NUP93: variants seen among roughly 807,000 people sequenced by gnomAD.
The protein encoded by NUP93 is nucleoporin 93.
NUP93 carries 55 observed loss-of-function variants against 107.8 expected under a neutral mutation model. The ratio of observed to expected loss-of-function variants is 0.51; its 90% CI spans 0.41 to 0.64. NUP93 has a LOEUF of 0.64. NUP93 is among the 30% of genes least tolerant of loss of function. The pLI is 0.00. For missense variants in NUP93, 937 were observed against 1,044.7 expected (o/e 0.90, Z 1.42); for synonymous variants, 390 against 397.5 (o/e 0.98, Z 0.22).
At chr16:56,758,227 G>A (rs1220069190) in intron 2 of NUP93, among the ~76,000 whole-genome samples, 5 of 152,124 alleles carry the variant, frequency 3.3e-5, no homozygotes, top group Admixed American at 1.3e-4. Flanking sequence ...TGCACCTCAT[G>A]GGTTTCTTTA....
rs1185952532 is a variant in NUP93, at chr16:56,846,571, A to G, written c.*1962A>G. On this transcript the variant is annotated 3_prime_UTR_variant, in exon 22 of 22. Transcript: ENST00000308159. ...CTAAAAATACAAAAATCAGCTGGGC[A>G]TGGTGGCAGGCGCCTGTAATCCCAG... 2.6e-5 allele frequency: 4 copies of G among 152,128 alleles called. No individual in the cohort carries two copies. The highest frequency in any genetic ancestry group is 2.6e-4 in the Admixed American group (4 of 15,264). The allele number at this position is 152,128 out of a possible 1,614,324, so 9.4% of individuals were successfully genotyped here.
At position 56,805,621 on chromosome 16, in the gene NUP93, C is replaced by T; in HGVS notation, c.478C>T (p.Gln160Ter). The T allele has an allele frequency of 3.1e-6, 5 of 1,613,632 alleles. No individual in the cohort carries two copies. The highest frequency in any genetic ancestry group is 4.2e-6 in the Non-Finnish European group (5 of 1,179,614). The stretch of plus-strand genomic sequence containing the variant: ...AGGAGAAGACGCCCTTGACTTTACT[C>T]AAGAAAGCGAGGTAGCTTGAATGCA... ...ASGEDALDFT[Q>*]ESEPSYISDV... The change falls in exon 5 of 22, where the codon CAA becomes TAA. Residue 160 changes from glutamine (Q) to a stop codon, truncating the protein, a stop_gained. Transcript: ENST00000308159. LOFTEE classifies it high-confidence loss of function.
intron 3 of NUP93, among the ~76,000 whole-genome samples, chr16:56,797,682 G>A (rs1394006347): frequency 6.6e-6 from 1 of 152,202 alleles, no homozygotes; most frequent in African/African-American, 2.4e-5. Context: ...AGAGCTACAT[G>A]TATTGAGCCT....
At chr16:56,755,250 T>C (rs1442132083) in intron 2 of NUP93, among the ~76,000 whole-genome samples, 1 of 152,218 alleles carries the variant, frequency 6.6e-6, no homozygotes. Flanking sequence ...ACATAAAATG[T>C]GGTATGTCCA....
At chr16:56,761,369 T>G (rs1696106140) in intron 3 of NUP93, among the ~76,000 whole-genome samples, 1 of 152,248 alleles carries the variant, frequency 6.6e-6, no homozygotes, top group African/African-American at 2.4e-5. Flanking sequence ...TCCTCTTAAT[T>G]CTTCTCATAA....
intron 5 of NUP93, among the ~76,000 whole-genome samples, chr16:56,809,439 G>A (rs1963264093): frequency 6.6e-6 from 1 of 152,066 alleles, no homozygotes; most frequent in Non-Finnish European, 1.5e-5. Flanking sequence ...GAAATTTAGA[G>A]GTGAAGATTT....
At chr16:56,832,666 G>A (rs1340888597) in intron 12 of NUP93, among the ~76,000 whole-genome samples, 1 of 152,234 alleles carries the variant, frequency 6.6e-6, no homozygotes, top group Admixed American at 6.5e-5. Flanking sequence ...GAGAGAAAAA[G>A]AAGACTTAGC....
intron 3 of NUP93, among the ~76,000 whole-genome samples, chr16:56,776,058 ATTTTT>A (rs5817075): frequency 2.0e-5 from 3 of 147,410 alleles, no homozygotes; most frequent in Admixed American, 2.0e-4. Context: ...TTGGTGCCAG[ATTTTT>A]TTTTTTATTG....
Position 56,747,861 on chromosome 16 carries a change from T to C in NUP93, c.-14-373T>C, listed in dbSNP as rs145856351. ...TCTAAGATGGGTGGAGAATAAGAGGTGCAGGTTGACTGTTCTTTAAGCCTC... is the reference window on the plus strand; with the variant it reads ...TCTAAGATGGGTGGAGAATAAGAGGCGCAGGTTGACTGTTCTTTAAGCCTC... On this transcript the variant is annotated intron_variant, in intron 1 of 21. Transcript: ENST00000308159. 2.3e-3 allele frequency: 365 copies of C among 156,836 alleles called. 4 individuals carry two copies. The highest frequency in any genetic ancestry group is 8.4e-3 in the African/African-American group (350 of 41,652). The allele number at this position is 156,836 out of a possible 1,614,324, so 9.7% of individuals were successfully genotyped here.
intron 2 of NUP93, among the ~76,000 whole-genome samples, 176 bp downstream of exon 2, chr16:56,748,602 C>A (rs560317405): frequency 9.9e-5 from 15 of 152,264 alleles, no homozygotes; most frequent in African/African-American, 3.4e-4. Flanking sequence ...CCCTGCCTCT[C>A]AGGTTTTCTA....
At chr16:56,737,510 C>T (rs2144433016) in intron 1 of NUP93, among the ~76,000 whole-genome samples, 1 of 152,286 alleles carries the variant, frequency 6.6e-6, no homozygotes, top group African/African-American at 2.4e-5. Context: ...GCTGTGCTTT[C>T]TCCCAATCAG....
intron 1 of NUP93, among the ~76,000 whole-genome samples, chr16:56,739,517 G>C (rs1204046195): frequency 1.3e-5 from 1 of 79,204 alleles, no homozygotes; most frequent in African/African-American, 4.7e-5. Flanking sequence ...CTGGCCGGGC[G>C]GGGGGGCTGA....
intron 8 of NUP93, among the ~76,000 whole-genome samples, chr16:56,826,514 T>TAAAAAAA (rs35715417): frequency 7.8e-6 from 1 of 128,216 alleles, no homozygotes. Context: ...AGACTCCGTC[T>TAAAAAAA]AAAAAAAAAA....
At chr16:56,838,080 T>C (rs1321184229) in intron 18 of NUP93, among the ~76,000 whole-genome samples, 2 of 152,160 alleles carry the variant, frequency 1.3e-5, no homozygotes, top group African/African-American at 4.8e-5. Flanking sequence ...CTAGTGATGG[T>C]TGGATGGGGG....
At chr16:56,837,568 ACTTTATT>A (rs1171058576) in intron 17 of NUP93, 33 bp from the exon 18 acceptor site, 36 of 1,139,332 alleles carry the variant, frequency 3.2e-5, no homozygotes, top group Non-Finnish European at 4.1e-5. Flanking sequence ...TTTATTGATT[ACTTTATT>A]GATTGCTTCC....
At position 56,823,857 on chromosome 16, in the gene NUP93, A is replaced by G; in HGVS notation, c.794+11A>G. The G allele has an allele frequency of 1.2e-6, 2 of 1,612,118 alleles. No individual in the cohort carries two copies. The highest frequency in any genetic ancestry group is 1.7e-6 in the Non-Finnish European group (2 of 1,179,102). On this transcript the variant is annotated intron_variant, in intron 8 of 21. Transcript: ENST00000308159. ...GTACCTTGAGCAGAGGTAAGGCAGC[A>G]GTAGCACAGTGGGGCTGGCTTTCAC... is the stretch of plus-strand genomic sequence containing the variant.
Position 56,803,601 on chromosome 16 carries a change from T to C in NUP93, c.361-1903T>C, listed in dbSNP as rs921806003. Among the ~76,000 whole-genome samples, 3 of 152,048 alleles carry C rather than the reference T, an allele frequency of 2.0e-5. No individual in the cohort carries two copies. The East Asian group carries it at 5.8e-4, about 29-fold the overall frequency. On this transcript the variant is annotated intron_variant, in intron 4 of 21. Coordinates refer to ENST00000308159, the MANE Select transcript of NUP93 (RefSeq NM_014669.5). ...AATACTGCTATGACATACGATCTAA[T>C]TTCAGAGCTTTTATAAAGATGTTTA...
intron 1 of NUP93, among the ~76,000 whole-genome samples, chr16:56,737,393 T>C (rs1961631026): frequency 6.6e-6 from 1 of 152,152 alleles, no homozygotes; most frequent in African/African-American, 2.4e-5. Flanking sequence ...CTGAGTCTAA[T>C]TACTTCCCAA....
chr16:56,732,172 A>G (rs1597097230), intron 1 of NUP93, among the ~76,000 whole-genome samples: 1 of 152,248 alleles, frequency 6.6e-6, no homozygotes, highest in African/African-American at 2.4e-5. Flanking sequence ...TCATTGCTTT[A>G]GTTGTTCTTA....
Sources: allele counts gnomAD v4.1 joint callset (sites outside exome capture counted in the v4.1 genomes callset), GRCh38; gene constraint gnomAD v4.1.1; transcripts MANE v1.5; gene names NCBI Gene and HGNC (gene_info 2026-07-23, HGNC 2026-07-21).